Variants in NCBP2L observed in about 807,000 individuals in gnomAD.
NCBP2L encodes the protein nuclear cap-binding protein subunit 2-like.
For missense variants in NCBP2L, 95 were observed against 53.1 expected, an observed-to-expected ratio of 1.79 and a Z score of -2.45; for synonymous variants, 39 against 19.2, an observed-to-expected ratio of 2.04 and a Z score of -2.70.
In NCBP2L at chrX:107,794,898, G is replaced by C. The variant is rs1267864004; in HGVS notation, c.*216G>C. 1.6e-5 allele frequency: 5 copies of C among 315,496 alleles called. No individual in the cohort carries two copies. The South Asian group carries it at 2.1e-4, about 13-fold the overall frequency. 26.0% of individuals were successfully genotyped at this position (315,496 alleles called of 1,213,427 possible). A position where few individuals can be genotyped will look rare whatever the true frequency, so the allele number is the denominator to read the frequency against. On this transcript the variant is annotated 3_prime_UTR_variant, in exon 2 of 2. Transcript: ENST00000509000. ...TTTCAGATTACCAGTTTGACTGTTA[G>C]GTGGTCCAAAGTGAAGTGTTCTTCG...
At chrX:107,781,844 T>C (rs867317224) in intron 1 of NCBP2L, among the ~76,000 whole-genome samples, 37 of 42,662 alleles carry the variant, frequency 8.7e-4, no homozygotes, top group African/African-American at 1.5e-3. Context: ...ATATATATAT[T>C]TATATATATA....
chrX:107,793,029 A>C (rs190951954), intron 1 of NCBP2L, among the ~76,000 whole-genome samples: 2 of 112,349 alleles, frequency 1.8e-5, no homozygotes, highest in African/African-American at 3.2e-5. Flanking sequence ...GGCATTGTTC[A>C]TGTAGGTACT....
At chrX:107,782,325 A>AT (rs1930328585) in intron 1 of NCBP2L, among the ~76,000 whole-genome samples, 1 of 39,853 alleles carries the variant, frequency 2.5e-5, no homozygotes, top group Non-Finnish European at 3.4e-5. Flanking sequence ...ATATATATAT[A>AT]AATATATATA....
intron 1 of NCBP2L, among the ~76,000 whole-genome samples, chrX:107,783,109 G>C (rs1460698825): frequency 2.7e-5 from 3 of 110,067 alleles, no homozygotes; most frequent in African/African-American, 9.9e-5. Flanking sequence ...CAGTTCTTGG[G>C]CATGGTAGAT....
chrX:107,792,301 T>C (rs1444062254), intron 1 of NCBP2L, among the ~76,000 whole-genome samples: 2 of 103,251 alleles, frequency 1.9e-5, no homozygotes, highest in Non-Finnish European at 3.9e-5. Context: ...AAATCCACTA[T>C]AGCTATCACA....
At position 107,789,500 on chromosome X, in the gene NCBP2L, A is replaced by G. The variant is rs896167010; in HGVS notation, c.-72-4649A>G. On this transcript the variant is annotated intron_variant, in intron 1 of 1. Transcript: ENST00000509000. Reference sequence around the variant, plus strand: ...CTTTTCTAAAGTGTAGACACTCTCCATTTCCTCACCTCCTGTTAAAAACTC... The same window carrying G: ...CTTTTCTAAAGTGTAGACACTCTCCGTTTCCTCACCTCCTGTTAAAAACTC... Among the ~76,000 whole-genome samples, 3 of 110,876 alleles carry G rather than the reference A, an allele frequency of 2.7e-5. No homozygotes were observed. In the Admixed American group the frequency reaches 2.9e-4, roughly 11 times the overall value.
chrX:107,781,933 C>T lies in NCBP2L; in HGVS notation c.-73+4075C>T, dbSNP rs190194413. 5.4e-3 allele frequency among the ~76,000 whole-genome samples: 495 copies of T among 92,161 alleles called. 3 individuals carry two copies. The highest frequency in any genetic ancestry group is 0.019 in the African/African-American group (474 of 25,025). 80.0% of individuals were successfully genotyped at this position (92,161 alleles called of 115,157 possible). On this transcript the variant is annotated intron_variant, in intron 1 of 1. Coordinates refer to ENST00000509000, the MANE Select transcript of NCBP2L (RefSeq NM_001348372.2). Reference sequence around the variant, plus strand: ...AGAGACAGGGTTTCACCATGTTGGCCAGGCTAGTCTCAATCTCCTGACCTG... The same window carrying T: ...AGAGACAGGGTTTCACCATGTTGGCTAGGCTAGTCTCAATCTCCTGACCTG...
chrX:107,783,104 C>A (rs1181566009), intron 1 of NCBP2L, among the ~76,000 whole-genome samples: 1 of 110,113 alleles, frequency 9.1e-6, no homozygotes, highest in Non-Finnish European at 1.9e-5. Context: ...TAGCACAGTT[C>A]TTGGGCATGG....
chrX:107,779,708 G>C (rs985148312), intron 1 of NCBP2L, among the ~76,000 whole-genome samples: 1 of 106,453 alleles, frequency 9.4e-6, no homozygotes. Context: ...GATTACAGGC[G>C]TGAGCCACCG....
At chrX:107,779,847 C>G (rs1930243313) in intron 1 of NCBP2L, among the ~76,000 whole-genome samples, 1 of 103,959 alleles carries the variant, frequency 9.6e-6, no homozygotes, top group South Asian at 4.4e-4. Flanking sequence ...GGGTTCACGC[C>G]ATTCTCCTGC....
chrX:107,789,877 C>T (rs1964084480), intron 1 of NCBP2L, among the ~76,000 whole-genome samples: 1 of 110,188 alleles, frequency 9.1e-6, no homozygotes, highest in South Asian at 3.9e-4. Flanking sequence ...CTCATCCATA[C>T]CCATGGTTTT....
intron 1 of NCBP2L, among the ~76,000 whole-genome samples, chrX:107,781,692 C>CTCTCTCTCTCTCTATATATATATATATA (rs1395038482): frequency 3.0e-5 from 2 of 66,917 alleles, no homozygotes; most frequent in Non-Finnish European, 5.0e-5. Flanking sequence ...CTCTCTCTCT[C>CTCTCTCTCTCTCTATATATATATATATA]TATATATATA....
chrX:107,792,393 G>A (rs1158409405), intron 1 of NCBP2L, among the ~76,000 whole-genome samples: 4 of 109,527 alleles, frequency 3.7e-5, no homozygotes, highest in Non-Finnish European at 5.7e-5. Flanking sequence ...GTTTTTTAAC[G>A]GGGCAATTTG....
At chrX:107,792,247 A>G (rs746025511) in intron 1 of NCBP2L, among the ~76,000 whole-genome samples, 1 of 110,775 alleles carries the variant, frequency 9.0e-6, no homozygotes, top group African/African-American at 3.3e-5. Context: ...CATCTCATCT[A>G]CAAGGAAATT....
chrX:107,784,647 CAAGTTGTGGT>C (rs2147806924), intron 1 of NCBP2L, among the ~76,000 whole-genome samples: 1 of 109,202 alleles, frequency 9.2e-6, no homozygotes, highest in African/African-American at 3.3e-5. Flanking sequence ...ATGGTGTTCT[CAAGTTGTGGT>C]CTCCACAAAG....
intron 1 of NCBP2L, among the ~76,000 whole-genome samples, chrX:107,780,962 G>A (rs189952287): frequency 1.9e-4 from 21 of 110,014 alleles, no homozygotes; most frequent in African/African-American, 5.6e-4. Flanking sequence ...GTCTTGCTCT[G>A]TTGCCCAGAG....
chrX:107,781,424 G>A, intron 1 of NCBP2L, among the ~76,000 whole-genome samples: 1 of 106,078 alleles, frequency 9.4e-6, no homozygotes, highest in Non-Finnish European at 1.9e-5. Flanking sequence ...TCTCATCTCA[G>A]TGTCCCGAGT....
chrX:107,788,845 A>G (rs1197801716), intron 1 of NCBP2L, among the ~76,000 whole-genome samples: 3 of 111,294 alleles, frequency 2.7e-5, no homozygotes, highest in Non-Finnish European at 5.7e-5. Flanking sequence ...CCCTCTTCCA[A>G]TCCTTCCTAC....
Position 107,793,190 on chromosome X carries a change from C to A in NCBP2L, c.-72-959C>A, listed in dbSNP as rs139072893. Among the ~76,000 whole-genome samples, 463 of 112,199 alleles carry A rather than the reference C, an allele frequency of 4.1e-3. 3 individuals are homozygous for A. Among genetic ancestry groups the A allele is most frequent in the African/African-American group, 0.014 (427 of 30,896 alleles). On this transcript the variant is annotated intron_variant, in intron 1 of 1. Transcript: ENST00000509000. ...TTAGCAGAGTTTCTCAAAGTGTAAT[C>A]TTTGGACCATTTGCATCTGGATCAT...
Sources: gnomAD v4.1 joint callset for allele counts (sites outside exome capture counted in the v4.1 genomes callset) on GRCh38, gnomAD v4.1.1 for gene constraint, MANE v1.5 for transcripts, NCBI Gene and HGNC (gene_info 2026-07-23, HGNC 2026-07-21) for gene names.